Variants in SH3BGRL observed in about 807,000 individuals in gnomAD.
SH3BGRL encodes the protein SH3 domain binding glutamate rich protein like.
Under a neutral mutation model 9.8 loss-of-function variants are expected in SH3BGRL, and 7 were observed. The ratio of observed to expected loss-of-function variants is 0.72; its 90% confidence interval spans 0.41 to 1.35. The LOEUF (loss-of-function observed/expected upper bound fraction) is 1.35, where lower values mean the gene tolerates loss of function less well. Ranked by LOEUF, SH3BGRL falls within the 40% of genes most tolerant of loss-of-function variation. SH3BGRL has a pLI of 0.01. For synonymous variants in SH3BGRL, 36 were observed against 29.1 expected, an observed-to-expected ratio of 1.24 and a Z score of -0.76; for missense variants, 73 against 84.4, an observed-to-expected ratio of 0.86 and a Z score of 0.53.
chrX:81,207,846 A>G (rs1325892204), intron 1 of SH3BGRL, among the ~76,000 whole-genome samples: 1 of 112,020 alleles, frequency 8.9e-6, no homozygotes, highest in African/African-American at 3.3e-5. Flanking sequence ...CATTGGAAGA[A>G]TTTGGCCCAA....
At chrX:81,288,956 C>A (rs2075847144) in intron 3 of SH3BGRL, among the ~76,000 whole-genome samples, 1 of 111,630 alleles carries the variant, frequency 9.0e-6, no homozygotes, top group Non-Finnish European at 1.9e-5. Context: ...ACAAAAGACC[C>A]AGAATAGCCA....
intron 1 of SH3BGRL, among the ~76,000 whole-genome samples, chrX:81,230,665 G>A (rs1354384624): frequency 1.8e-5 from 2 of 111,875 alleles, no homozygotes; most frequent in African/African-American, 6.5e-5. Flanking sequence ...GAAGTCAGAG[G>A]AGAGATCAAA....
At chrX:81,279,466 G>C (rs1293874449) in intron 3 of SH3BGRL, among the ~76,000 whole-genome samples, 1 of 110,943 alleles carries the variant, frequency 9.0e-6, no homozygotes, top group Non-Finnish European at 1.9e-5. Context: ...TCAAGGAAGT[G>C]GACTGCTCAT....
intron 1 of SH3BGRL, among the ~76,000 whole-genome samples, chrX:81,252,609 T>G (rs943339249): frequency 5.4e-5 from 6 of 111,777 alleles, no homozygotes; most frequent in Admixed American, 9.5e-5. Context: ...CCTAATGATA[T>G]CTGATGAGCT....
At chrX:81,283,867 G>T (rs754721671) in intron 3 of SH3BGRL, among the ~76,000 whole-genome samples, 1 of 111,092 alleles carries the variant, frequency 9.0e-6, no homozygotes, top group African/African-American at 3.3e-5. Context: ...TTGGTAAAAA[G>T]GAAGTCAATT....
chrX:81,298,540 A>T lies in SH3BGRL; in HGVS notation c.*1313A>T, dbSNP rs2075883366. On this transcript the variant is annotated 3_prime_UTR_variant, in exon 4 of 4. Coordinates refer to ENST00000373212, the MANE Select transcript of SH3BGRL (RefSeq NM_003022.3). The stretch of plus-strand genomic sequence containing the variant: ...TTTAAAATAAACTCAGTACTTTTAG[A>T]AACATAACTTATGTGTTCTTGGAGT... 8.9e-6 allele frequency: 1 copy of T among 111,777 alleles called. No homozygotes were observed. The highest frequency in any genetic ancestry group is 3.2e-5 in the African/African-American group (1 of 30,899). 9.2% of individuals were successfully genotyped at this position (111,777 alleles called of 1,213,427 possible). A position where few individuals can be genotyped will look rare whatever the true frequency, so the allele number is the denominator to read the frequency against.
Position 81,211,313 on chromosome X carries a change from G to A in SH3BGRL, c.45+9068G>A, listed in dbSNP as rs757001726. 6.2e-5 allele frequency among the ~76,000 whole-genome samples: 7 copies of A among 112,025 alleles called. No individual in the cohort carries two copies. The South Asian group carries it at 2.6e-3, about 42-fold the overall frequency. On this transcript the variant is annotated intron_variant, in intron 1 of 3. Transcript: ENST00000373212. ...GAGATTAACATTTGAGGCCGGGCGC[G>A]GTGGCTCACGCCTGTAATCTCAGCA...
chrX:81,237,355 G>A (rs1404853249), intron 1 of SH3BGRL: 1 of 304,748 alleles, frequency 3.3e-6, no homozygotes, highest in Non-Finnish European at 6.3e-6. Context: ...AAACAGTCTT[G>A]AATCACCAGT....
intron 1 of SH3BGRL, among the ~76,000 whole-genome samples, chrX:81,208,134 C>T (rs1307786938): frequency 9.1e-6 from 1 of 110,456 alleles, no homozygotes; most frequent in African/African-American, 3.3e-5. Flanking sequence ...TGGTGGCGGG[C>T]ACCTGTAGTC....
At chrX:81,271,176 G>T (rs974015573) in intron 1 of SH3BGRL, among the ~76,000 whole-genome samples, 2 of 112,039 alleles carry the variant, frequency 1.8e-5, no homozygotes, top group Non-Finnish European at 3.8e-5. Context: ...GGCCAGGAAA[G>T]GGAAATCCTA....
At chrX:81,285,272 T>C (rs776453149) in intron 3 of SH3BGRL, among the ~76,000 whole-genome samples, 27 of 111,696 alleles carry the variant, frequency 2.4e-4, no homozygotes, top group Admixed American at 2.4e-3. Context: ...ATAAAAGTTA[T>C]ATGATAAAAT....
chrX:81,272,640 C>A (rs1007218209), intron 1 of SH3BGRL, among the ~76,000 whole-genome samples: 2 of 109,206 alleles, frequency 1.8e-5, no homozygotes, highest in African/African-American at 6.7e-5. Context: ...GCTGGGACTT[C>A]AGGTGCCTGA....
intron 1 of SH3BGRL, among the ~76,000 whole-genome samples, chrX:81,256,050 T>G (rs2075724577): frequency 8.9e-6 from 1 of 112,081 alleles, no homozygotes; most frequent in Non-Finnish European, 1.9e-5. Flanking sequence ...TTTCGGAGAT[T>G]ATGTCAATAA....
chrX:81,276,839 T>C, intron 1 of SH3BGRL, 145 bp from the exon 2 acceptor site: 1 of 473,962 alleles, frequency 2.1e-6, no homozygotes, highest in Non-Finnish European at 3.5e-6. Context: ...TGAGGCATTA[T>C]TAACAATACA....
chrX:81,254,463 G>T (rs2075719490), intron 1 of SH3BGRL, among the ~76,000 whole-genome samples: 1 of 112,032 alleles, frequency 8.9e-6, no homozygotes, highest in Non-Finnish European at 1.9e-5. Flanking sequence ...GTTTTGGTGG[G>T]TAAACAATTA....
At chrX:81,282,596 A>G (rs1378166647) in intron 3 of SH3BGRL, among the ~76,000 whole-genome samples, 1 of 112,089 alleles carries the variant, frequency 8.9e-6, no homozygotes, top group Non-Finnish European at 1.9e-5. Context: ...TAAAAACAAA[A>G]TCAAGATGGA....
At chrX:81,211,977 A>T (rs1487328276) in intron 1 of SH3BGRL, among the ~76,000 whole-genome samples, 3 of 112,115 alleles carry the variant, frequency 2.7e-5, no homozygotes, top group African/African-American at 9.7e-5. Context: ...AAAAATAATG[A>T]AATCTGATCT....
At chrX:81,254,409 G>T (rs942845149) in intron 1 of SH3BGRL, among the ~76,000 whole-genome samples, 1 of 111,661 alleles carries the variant, frequency 9.0e-6, no homozygotes, top group African/African-American at 3.3e-5. Flanking sequence ...GGGGCACACC[G>T]CTGTGGCTTC....
intron 1 of SH3BGRL, among the ~76,000 whole-genome samples, chrX:81,230,816 C>T (rs184149971): frequency 1.2e-3 from 138 of 111,665 alleles, no homozygotes; most frequent in Non-Finnish European, 1.9e-3. Context: ...TGACTGTTGA[C>T]GCATGAAGAT....
Sources: allele counts gnomAD v4.1 joint callset (sites outside exome capture counted in the v4.1 genomes callset), GRCh38; gene constraint gnomAD v4.1.1; transcripts MANE v1.5; gene names NCBI Gene and HGNC (gene_info 2026-07-23, HGNC 2026-07-21).